Variants in CLIP2 observed in about 807,000 individuals in gnomAD.
CLIP2 encodes the protein CAP-Gly domain-containing linker protein 2.
Under a neutral mutation model 111.7 loss-of-function variants are expected in CLIP2, and 41 were observed. The observed-to-expected ratio is 0.37, with a 90% CI of 0.29 to 0.48. The LOEUF (loss-of-function observed/expected upper bound fraction) is 0.48. Among genes scored for constraint, CLIP2 ranks in the 20% least tolerant of loss-of-function variants. The pLI, the probability that CLIP2 is intolerant of heterozygous loss-of-function variation, is 0.99. For synonymous variants in CLIP2, 660 were observed against 644.2 expected (o/e 1.02, Z -0.37); for missense variants, 1,160 against 1,422.1 (o/e 0.82, Z 2.96).
In CLIP2 at chr7:74,326,384, C is replaced by T. The variant is rs143247005; in HGVS notation, c.121+8717C>T. On this transcript the variant is annotated intron_variant, in intron 2 of 16. Transcript: ENST00000223398. The stretch of plus-strand genomic sequence containing the variant: ...CCTGGGGGACCAAGTCCAGTATCAG[C>T]CCCACACATTTGGCTCATGCCCCAG... Among the ~76,000 whole-genome samples, 300 of 152,270 alleles carry T rather than the reference C, an allele frequency of 2.0e-3. 2 individuals carry two copies. Among genetic ancestry groups the T allele is most frequent in the African/African-American group, 3.9e-3 (164 of 41,554 alleles).
At chr7:74,370,155 C>CAAAAAA (rs536133070) in intron 8 of CLIP2, among the ~76,000 whole-genome samples, 82 of 32,848 alleles carry the variant, frequency 2.5e-3, no homozygotes, top group Non-Finnish European at 4.1e-3. Context: ...GACTCTGCCT[C>CAAAAAA]AAAAAAAAAA....
intron 14 of CLIP2, 92 bp from the exon 15 acceptor site, chr7:74,400,278 T>G: frequency 8.8e-7 from 1 of 1,136,854 alleles, no homozygotes; most frequent in Non-Finnish European, 1.2e-6. Flanking sequence ...AGAGACAAAG[T>G]GAGGCTGGAA....
At position 74,321,533 on chromosome 7, in the gene CLIP2, G is replaced by A. The variant is rs6974448; in HGVS notation, c.121+3866G>A. Among the ~76,000 whole-genome samples the A allele has an allele frequency of 8.2e-3, 1,247 of 152,002 alleles. 15 individuals are homozygous for A. Among genetic ancestry groups the A allele is most frequent in the African/African-American group, 0.027 (1,103 of 41,458 alleles). ...CACCCAGGCTGGAGTGCAGTGGTGCGATCTCGGCTCACTGCAACCTCCACC... is the reference window on the plus strand; with the variant it reads ...CACCCAGGCTGGAGTGCAGTGGTGCAATCTCGGCTCACTGCAACCTCCACC... On this transcript the variant is annotated intron_variant, in intron 2 of 16. Coordinates refer to ENST00000223398, the MANE Select transcript of CLIP2 (RefSeq NM_003388.5).
intron 8 of CLIP2, 73 bp from the exon 9 acceptor site, chr7:74,372,859 T>G: frequency 3.8e-6 from 3 of 792,690 alleles, no homozygotes; most frequent in African/African-American, 1.8e-5. Flanking sequence ...TCTCTCCGGC[T>G]TCTTCTTCCC....
chr7:74,378,219 C>T (rs1790849916), intron 10 of CLIP2, among the ~76,000 whole-genome samples: 2 of 152,172 alleles, frequency 1.3e-5, no homozygotes, highest in Admixed American at 1.3e-4. Flanking sequence ...TCTCAACCTC[C>T]CAGGCTTGAG....
chr7:74,318,150 A>G (rs1554729457), intron 2 of CLIP2, among the ~76,000 whole-genome samples: 1 of 151,944 alleles, frequency 6.6e-6, no homozygotes, highest in African/African-American at 2.4e-5. Flanking sequence ...TCAAAAATAA[A>G]AAAAAAAAGA....
At position 74,323,126 on chromosome 7, in the gene CLIP2, T is replaced by C. The variant is rs191160729; in HGVS notation, c.121+5459T>C. Among the ~76,000 whole-genome samples the C allele has an allele frequency of 6.9e-3, 932 of 134,534 alleles. 41 individuals carry two copies. Among genetic ancestry groups the C allele is most frequent in the Admixed American group, 0.064 (832 of 13,096 alleles). The allele number at this position is 134,534 out of a possible 152,430, so 88.3% of individuals were successfully genotyped here. On this transcript the variant is annotated intron_variant, in intron 2 of 16. Transcript: ENST00000223398. The stretch of plus-strand genomic sequence containing the variant: ...ATTTATTTATTTATTTATTTATTTA[T>C]TTGAGATAGGGTCTCGTTCTGTTGC...
intron 1 of CLIP2, among the ~76,000 whole-genome samples, chr7:74,314,316 C>A (rs1788714191): frequency 1.3e-5 from 2 of 151,992 alleles, no homozygotes; most frequent in Admixed American, 1.3e-4. Flanking sequence ...CATAGTGAAA[C>A]CCCACATCTA....
chr7:74,353,073 C>T (rs1790051286), intron 3 of CLIP2, among the ~76,000 whole-genome samples: 1 of 152,076 alleles, frequency 6.6e-6, no homozygotes, highest in East Asian at 1.9e-4. Context: ...ATTGCTTAAG[C>T]CCAAGAGTTT....
At chr7:74,343,842 G>A (rs1789730636) in intron 3 of CLIP2, among the ~76,000 whole-genome samples, 1 of 152,136 alleles carries the variant, frequency 6.6e-6, no homozygotes, top group East Asian at 1.9e-4. Flanking sequence ...GGTCAAGGCT[G>A]CAGTGAGCCA....
At chr7:74,393,401 A>G (rs1338506011) in intron 13 of CLIP2, among the ~76,000 whole-genome samples, 1 of 148,308 alleles carries the variant, frequency 6.7e-6, no homozygotes, top group Admixed American at 6.8e-5. Flanking sequence ...CAGTGGCACA[A>G]TCTCTGCTCA....
rs1327079491 is a variant in CLIP2 at position 74,397,086 on chromosome 7, A to G, written c.2733A>G (p.Glu911=). 13 of 1,613,424 alleles carry G rather than the reference A, an allele frequency of 8.1e-6. No individual in the cohort carries two copies. Among genetic ancestry groups the G allele is most frequent in the Non-Finnish European group, 9.3e-6 (11 of 1,179,856 alleles). Residue 911 remains glutamate, a synonymous_variant, in exon 14 of 17, where the codon GAA becomes GAG. Transcript: ENST00000223398. The part of the protein sequence containing the change: ...ELLRKERSLN[E]LRVLLLEANR... ...GCCTCACCCCCAGGAGCCTGAACGA[A>G]CTGCGGGTGTTGCTGCTGGAGGCCA...
At chr7:74,354,138 C>T in intron 4 of CLIP2, 134 bp downstream of exon 4, 1 of 1,124,946 alleles carries the variant, frequency 8.9e-7, no homozygotes, top group East Asian at 2.4e-5. Flanking sequence ...CTTTCCCATT[C>T]CCTCCTTCCC....
intron 1 of CLIP2, among the ~76,000 whole-genome samples, chr7:74,298,610 G>A (rs1178469242): frequency 6.6e-6 from 1 of 151,828 alleles, no homozygotes; most frequent in East Asian, 1.9e-4. Flanking sequence ...TCGGCTCACT[G>A]CGGCCTCCGC....
intron 6 of CLIP2, among the ~76,000 whole-genome samples, chr7:74,359,959 G>A (rs999258666): frequency 1.2e-4 from 18 of 152,208 alleles, no homozygotes; most frequent in Admixed American, 1.1e-3. Flanking sequence ...ACTGAGGGCA[G>A]GTGGGCCTAA....
chr7:74,376,244 T>G lies in CLIP2; in HGVS notation c.1843T>G (p.Ser615Ala). Residue 615 changes from serine (S) to alanine (A), a missense_variant, in exon 10 of 17, where the codon TCC becomes GCC. Coordinates refer to ENST00000223398, the MANE Select transcript of CLIP2 (RefSeq NM_003388.5). This position sits in a 1 kb window ranked among gnomAD's most constrained non-coding sequence, Gnocchi z 7.1. ...ENMGLMDNWKSKLDSLASDHQ... is the reference protein window; with the variant it reads ...ENMGLMDNWKAKLDSLASDHQ... ...CATGGGGCTAATGGACAACTGGAAA[T>G]CCAAGCTGGACTCGCTGGCCTCGGA... is the stretch of plus-strand genomic sequence containing the variant. 1.9e-6 allele frequency: 3 copies of G among 1,612,134 alleles called. No homozygotes were observed. Among genetic ancestry groups the G allele is most frequent in the Non-Finnish European group, 2.5e-6 (3 of 1,179,296 alleles).
intron 3 of CLIP2, among the ~76,000 whole-genome samples, chr7:74,347,307 C>T (rs529708383): frequency 1.2e-3 from 188 of 152,236 alleles, no homozygotes; most frequent in Middle Eastern, 3.4e-3. Flanking sequence ...CTCACTCTGT[C>T]GCCTAGGCTG....
rs1274644697 is a variant in CLIP2, at chr7:74,298,529, T to C, written c.-68+8795T>C. ...CCTGTCTCTATTTTTATTTATTTTA[T>C]TTTATTTTATTTTATTGAGACAGAG... On this transcript the variant is annotated intron_variant, in intron 1 of 16. Coordinates refer to ENST00000223398, the MANE Select transcript of CLIP2 (RefSeq NM_003388.5). Among the ~76,000 whole-genome samples, 19 of 150,018 alleles carry C rather than the reference T, an allele frequency of 1.3e-4. No homozygotes were observed. The Admixed American group carries it at 1.3e-3, about 10-fold the overall frequency.
rs1790564511 is a variant in CLIP2 at position 74,369,970 on chromosome 7, T to C, written c.1381-2962T>C. 2.5e-5 allele frequency among the ~76,000 whole-genome samples: 2 copies of C among 80,812 alleles called. 1 individual carries two copies. Among genetic ancestry groups the C allele is most frequent in the Non-Finnish European group, 5.8e-5 (2 of 34,224 alleles). 53.0% of individuals were successfully genotyped at this position (80,812 alleles called of 152,430 possible). ...GTCAGGAGCTCCAAACCAGCCTGGC[T>C]AACATGGCGAAACCCCATCTCTACT... On this transcript the variant is annotated intron_variant, in intron 8 of 16. Transcript: ENST00000223398.
Sources: gnomAD v4.1 joint callset for allele counts (sites outside exome capture counted in the v4.1 genomes callset) on GRCh38, gnomAD v4.1.1 for gene constraint, Gnocchi (gnomAD v3.1) non-coding constraint, MANE v1.5 for transcripts, NCBI Gene and HGNC (gene_info 2026-07-23, HGNC 2026-07-21) for gene names.